Variants in RAB40B observed in about 807,000 individuals in gnomAD.
RAB40B encodes RAB40B, member RAS oncogene family.
RAB40B carries 21 observed loss-of-function variants against 24.0 expected under a neutral mutation model. The ratio of observed to expected loss-of-function variants is 0.88; its 90% CI spans 0.62 to 1.26. The LOEUF (loss-of-function observed/expected upper bound fraction) is 1.26. Ranked by LOEUF, RAB40B falls within the 50% of genes most tolerant of loss-of-function variation. The probability of loss-of-function intolerance (pLI) is 0.00; values close to 1 mark genes in which losing one functional copy is unlikely to be tolerated. For missense variants in RAB40B, 348 were observed against 390.5 expected, an observed-to-expected ratio of 0.89 and a Z score of 0.92; for synonymous variants, 167 against 169.8, an observed-to-expected ratio of 0.98 and a Z score of 0.13.
rs1339783919 is a variant in RAB40B at position 82,697,245 on chromosome 17, C to T, written c.142+1210G>A. On this transcript the variant is annotated intron_variant, in intron 1 of 5. Transcript: ENST00000571995. This position sits in a 1 kb window ranked among gnomAD's most constrained non-coding sequence, Gnocchi z 4.9. Reference sequence around the variant, plus strand: ...CACGCTCCACAGTCTCAGGCCACCCCCTCCAGCCGTGCCACACTCCCTTGG... The same window carrying T: ...CACGCTCCACAGTCTCAGGCCACCCTCTCCAGCCGTGCCACACTCCCTTGG... 6.6e-6 allele frequency among the ~76,000 whole-genome samples: 1 copy of T among 152,182 alleles called. No individual in the cohort carries two copies. Among genetic ancestry groups the T allele is most frequent in the Non-Finnish European group, 1.5e-5 (1 of 68,034 alleles).
chr17:82,673,841 C>G (rs2046365121), intron 1 of RAB40B, among the ~76,000 whole-genome samples: 1 of 152,160 alleles, frequency 6.6e-6, no homozygotes, highest in Admixed American at 6.5e-5. Context: ...ATAATTTGTT[C>G]TCTCCTTCTG....
At chr17:82,695,153 G>A (rs1598321495) in intron 1 of RAB40B, among the ~76,000 whole-genome samples, 1 of 151,420 alleles carries the variant, frequency 6.6e-6, no homozygotes, top group African/African-American at 2.4e-5. Flanking sequence ...GGGAAATGGA[G>A]TGTGGAGTTA....
rs1300512029 is a variant in RAB40B, at chr17:82,663,564, A to G, written c.203+932T>C. On this transcript the variant is annotated intron_variant, in intron 2 of 5. Transcript: ENST00000571995. This position sits in a 1 kb window ranked among gnomAD's most constrained non-coding sequence, Gnocchi z 6.2. ...GGAGAGGTGCCCCGGGCTTGCCCCAAGGTGAGGAGCTGGGGTTCTCACAGC... is the reference window on the plus strand; with the variant it reads ...GGAGAGGTGCCCCGGGCTTGCCCCAGGGTGAGGAGCTGGGGTTCTCACAGC... Among the ~76,000 whole-genome samples, 9 of 151,704 alleles carry G rather than the reference A, an allele frequency of 5.9e-5. No homozygotes were observed. Among genetic ancestry groups the G allele is most frequent in the Non-Finnish European group, 7.4e-5 (5 of 67,868 alleles).
chr17:82,682,725 A>G (rs1040164990), intron 1 of RAB40B, among the ~76,000 whole-genome samples: 1 of 152,268 alleles, frequency 6.6e-6, no homozygotes, highest in Non-Finnish European at 1.5e-5. Flanking sequence ...AAAATGGCCA[A>G]TTGATGTTTG....
intron 1 of RAB40B, among the ~76,000 whole-genome samples, chr17:82,691,738 G>A (rs2046560108): frequency 6.6e-6 from 1 of 152,190 alleles, no homozygotes; most frequent in Non-Finnish European, 1.5e-5. Context: ...TCAGAGAAGG[G>A]ACACAATCTG....
rs1182837620 is a variant in RAB40B at position 82,655,138 on chromosome 17, G to A, written c.*2725C>T. The A allele has an allele frequency of 6.6e-6, 1 of 152,068 alleles. No individual in the cohort carries two copies. Among genetic ancestry groups the A allele is most frequent in the Non-Finnish European group, 1.5e-5 (1 of 68,036 alleles). The allele number at this position is 152,068 out of a possible 1,614,324, so 9.4% of individuals were successfully genotyped here. ...CACTTCCTTGTAGGAGTTTCCTGAGGCTGCCGTAACAATCGCCACAAACCT... is the reference window on the plus strand; with the variant it reads ...CACTTCCTTGTAGGAGTTTCCTGAGACTGCCGTAACAATCGCCACAAACCT... On this transcript the variant is annotated 3_prime_UTR_variant, in exon 6 of 6. Transcript: ENST00000571995.
intron 1 of RAB40B, among the ~76,000 whole-genome samples, chr17:82,668,901 G>GCTA (rs1454194844): frequency 1.3e-5 from 2 of 152,228 alleles, no homozygotes; most frequent in Non-Finnish European, 2.9e-5. Context: ...ATGGGCCACT[G>GCTA]CTACCATCAG....
intron 1 of RAB40B, among the ~76,000 whole-genome samples, chr17:82,695,197 CTT>C (rs544874715): frequency 1.4e-5 from 2 of 140,770 alleles, no homozygotes. Flanking sequence ...TTCTTTCTTT[CTT>C]TTTTTTTTTT....
rs974410687 is a variant in RAB40B, at chr17:82,692,536, A to G, written c.142+5919T>C. Among the ~76,000 whole-genome samples the G allele has an allele frequency of 2.1e-5, 3 of 144,718 alleles. No individual in the cohort carries two copies. The highest frequency in any genetic ancestry group is 4.5e-5 in the Non-Finnish European group (3 of 66,496). 94.9% of individuals were successfully genotyped at this position (144,718 alleles called of 152,430 possible). ...AGAGACAGGCGGGCCAACGGTGCAGACCCAGACCCACAGGCGGGCTCTCAG... is the reference window on the plus strand; with the variant it reads ...AGAGACAGGCGGGCCAACGGTGCAGGCCCAGACCCACAGGCGGGCTCTCAG... On this transcript the variant is annotated intron_variant, in intron 1 of 5. Coordinates refer to ENST00000571995, the MANE Select transcript of RAB40B (RefSeq NM_006822.3). The surrounding 1 kb of genome is among the most constrained non-coding windows in gnomAD (Gnocchi z 4.0).
intron 1 of RAB40B, among the ~76,000 whole-genome samples, chr17:82,665,484 G>T (rs1364190797): frequency 6.6e-6 from 1 of 152,098 alleles, no homozygotes; most frequent in Non-Finnish European, 1.5e-5. Flanking sequence ...AAACGCCTAA[G>T]TTCACACAAT....
intron 1 of RAB40B, among the ~76,000 whole-genome samples, chr17:82,691,633 T>C (rs888272350): frequency 1.6e-4 from 25 of 152,060 alleles, no homozygotes; most frequent in East Asian, 1.9e-4. Flanking sequence ...AGTGAGCCGA[T>C]GTGGCACCAT....
intron 1 of RAB40B, among the ~76,000 whole-genome samples, chr17:82,694,558 CAT>C (rs72051438): frequency 0.2 from 30,845 of 151,022 alleles, 3,428 homozygotes; most frequent in African/African-American, 0.24. Context: ...TACACACACA[CAT>C]ACACACACAC....
chr17:82,673,204 C>A (rs1598305195), intron 1 of RAB40B, among the ~76,000 whole-genome samples: 1 of 148,916 alleles, frequency 6.7e-6, no homozygotes. Context: ...ACTCTTGTCT[C>A]AAAAAAAAAA....
Position 82,658,117 on chromosome 17 carries a change from G to C in RAB40B, c.583C>G (p.Leu195Val), listed in dbSNP as rs1415529702. ...CAGGACACGACCGCCCGGCAGCAGA[G>C]GTCTTGCAAGCTCAGCACTTGGGAG... ...RPSKVLSLQD[L>V]CCRAVVSCTP... The change falls in exon 6 of 6, where the codon CTC (leucine) becomes GTC (valine). Residue 195 changes from leucine to valine, a missense_variant. Coordinates refer to ENST00000571995, the MANE Select transcript of RAB40B (RefSeq NM_006822.3). The C allele has an allele frequency of 5.0e-6, 8 of 1,614,070 alleles. No individual in the cohort carries two copies. The highest frequency in any genetic ancestry group is 6.8e-6 in the Non-Finnish European group (8 of 1,179,970).
intron 1 of RAB40B, among the ~76,000 whole-genome samples, chr17:82,670,563 C>G (rs140258794): frequency 0.1 from 14,724 of 141,646 alleles, 998 homozygotes; most frequent in East Asian, 0.2. Flanking sequence ...GAGACGGAGT[C>G]TTACTCTGTC....
At chr17:82,693,837 C>A (rs964224432) in intron 1 of RAB40B, among the ~76,000 whole-genome samples, 4 of 151,968 alleles carry the variant, frequency 2.6e-5, no homozygotes, top group Non-Finnish European at 5.9e-5. Flanking sequence ...AATTCCAGCA[C>A]TTTGGGAGGC....
chr17:82,686,954 C>T (rs1193429412), intron 1 of RAB40B, among the ~76,000 whole-genome samples: 1 of 150,816 alleles, frequency 6.6e-6, no homozygotes, highest in African/African-American at 2.4e-5. Flanking sequence ...CATGGAAGAC[C>T]CTCCCGTCCA....
At chr17:82,687,862 A>T (rs529542936) in intron 1 of RAB40B, among the ~76,000 whole-genome samples, 1 of 152,332 alleles carries the variant, frequency 6.6e-6, no homozygotes, top group Non-Finnish European at 1.5e-5. Context: ...GCTTGAGCCC[A>T]GAAATTCAAG....
intron 1 of RAB40B, among the ~76,000 whole-genome samples, chr17:82,695,983 C>T (rs2046606181): frequency 6.6e-6 from 1 of 152,066 alleles, no homozygotes; most frequent in African/African-American, 2.4e-5. Context: ...AATTCTCCTG[C>T]CTCAGCCTCC....
Sources: gnomAD v4.1 joint callset for allele counts (sites outside exome capture counted in the v4.1 genomes callset) on GRCh38, gnomAD v4.1.1 for gene constraint, Gnocchi (gnomAD v3.1) non-coding constraint, MANE v1.5 for transcripts, NCBI Gene and HGNC (gene_info 2026-07-23, HGNC 2026-07-21) for gene names.